The following NUP43 variants were observed in gnomAD, a reference collection of about 807,000 sequenced individuals.
NUP43 encodes the protein nucleoporin 43, also known as nucleoporin Nup43.
A neutral mutation model predicts 47.3 loss-of-function variants in NUP43; 32 were observed. That is an observed-to-expected ratio of 0.68 (90% CI 0.51 to 0.91). The LOEUF (loss-of-function observed/expected upper bound fraction) is 0.91. Among genes scored for constraint, NUP43 ranks in the 40% least tolerant of loss-of-function variants. The pLI is 0.00. For missense variants in NUP43, 444 were observed against 453.9 expected (o/e 0.98, Z 0.20); for synonymous variants, 147 against 158.4 (o/e 0.93, Z 0.54).
chr6:149,730,229 G>A lies in NUP43; in HGVS notation c.913+1384C>T, dbSNP rs950613288. On this transcript the variant is annotated intron_variant, in intron 7 of 7. Transcript: ENST00000340413. Reference sequence around the variant, plus strand: ...TCTCCATGTTGGTCAGGCTGGTCTCGAACTCCCAAACTCAGGTGATCCACC... The same window carrying A: ...TCTCCATGTTGGTCAGGCTGGTCTCAAACTCCCAAACTCAGGTGATCCACC... 3.3e-5 allele frequency among the ~76,000 whole-genome samples: 5 copies of A among 151,618 alleles called. No homozygotes were observed. The East Asian group carries it at 5.8e-4, about 18-fold the overall frequency.
intron 7 of NUP43, chr6:149,728,442 T>C (rs903100755): frequency 5.3e-5 from 52 of 985,026 alleles, no homozygotes; most frequent in African/African-American, 8.7e-5. Context: ...TGGACATGCA[T>C]GCATGCTCCA....
upstream of NUP43, among the ~76,000 whole-genome samples, chr6:149,747,987 T>C (rs1342949560): frequency 6.6e-6 from 1 of 152,218 alleles, no homozygotes; most frequent in Non-Finnish European, 1.5e-5. Context: ...CAGTCCCAAA[T>C]CAACAATTTT....
intron 7 of NUP43, 127 bp from the exon 8 acceptor site, chr6:149,727,325 A>G: frequency 1.4e-6 from 2 of 1,436,198 alleles, no homozygotes; most frequent in Non-Finnish European, 1.8e-6. Context: ...TAATAGGCTA[A>G]TAATTCCATT....
intron 6 of NUP43, among the ~76,000 whole-genome samples, chr6:149,732,425 T>A (rs758557057): frequency 6.6e-6 from 1 of 151,516 alleles, no homozygotes; most frequent in Non-Finnish European, 1.5e-5. Flanking sequence ...TGGGTGCCTA[T>A]AATCCCAGCT....
rs1482434403 is a variant in NUP43 at position 149,724,834 on chromosome 6, C to T, written c.*2135G>A. ...GAACTCTTGACCTCAGGTGCTTCAC[C>T]CACCTCGGCCTCCCAAAGTGCTAGC... On this transcript the variant is annotated 3_prime_UTR_variant, in exon 8 of 8. Transcript: ENST00000340413. 1 of 152,076 alleles carries T rather than the reference C, an allele frequency of 6.6e-6. No homozygotes were observed. Among genetic ancestry groups the T allele is most frequent in the African/African-American group, 2.4e-5 (1 of 41,412 alleles). 9.4% of individuals were successfully genotyped at this position (152,076 alleles called of 1,614,324 possible). A position where few individuals can be genotyped will look rare whatever the true frequency, so the allele number is the denominator to read the frequency against.
At chr6:149,745,029 T>C (rs1011121670) in intron 2 of NUP43, among the ~76,000 whole-genome samples, 5 of 149,614 alleles carry the variant, frequency 3.3e-5, no homozygotes, top group Non-Finnish European at 7.4e-5. Flanking sequence ...GACTCCAGAG[T>C]AGCTGGGATT....
In NUP43 at chr6:149,725,755, A is replaced by T. The variant is rs928657677; in HGVS notation, c.*1214T>A. The T allele has an allele frequency of 3.9e-4, 59 of 152,324 alleles. No individual in the cohort carries two copies. The highest frequency in any genetic ancestry group is 1.4e-3 in the African/African-American group (58 of 41,578). The allele number at this position is 152,324 out of a possible 1,614,324, so 9.4% of individuals were successfully genotyped here. On this transcript the variant is annotated 3_prime_UTR_variant, in exon 8 of 8. Transcript: ENST00000340413. ...ACATTTAAAATCTAACAAAGTTTGG[A>T]AAGATAGTATCATTAAATTATCTTA...
At chr6:149,748,735 G>C (rs1786157294), upstream of NUP43, among the ~76,000 whole-genome samples, 1 of 151,226 alleles carries the variant, frequency 6.6e-6, no homozygotes, top group African/African-American at 2.4e-5. Flanking sequence ...CCTGAACCTG[G>C]GAGGCGGAGC....
intron 3 of NUP43, among the ~76,000 whole-genome samples, chr6:149,742,908 G>A (rs1289301442): frequency 2.0e-5 from 3 of 152,278 alleles, no homozygotes; most frequent in South Asian, 2.1e-4. Context: ...CACGGCTGTC[G>A]CTCATGCCTG....
At chr6:149,738,856 C>T (rs1298234260) in intron 4 of NUP43, 78 bp from the exon 5 acceptor site, 2 of 797,528 alleles carry the variant, frequency 2.5e-6, no homozygotes, top group Non-Finnish European at 3.6e-6. Flanking sequence ...ACACTCCTTT[C>T]ATGGATTGAT....
chr6:149,729,944 C>T (rs1784949861), intron 7 of NUP43, among the ~76,000 whole-genome samples: 1 of 151,104 alleles, frequency 6.6e-6, no homozygotes, highest in Non-Finnish European at 1.5e-5. Flanking sequence ...CACATAAACC[C>T]CGATTACAAG....
At position 149,725,784 on chromosome 6, in the gene NUP43, C is replaced by T. The variant is rs1784770382; in HGVS notation, c.*1185G>A. The T allele has an allele frequency of 6.6e-6, 1 of 152,106 alleles. No individual in the cohort carries two copies. Among genetic ancestry groups the T allele is most frequent in the South Asian group, 2.1e-4 (1 of 4,832 alleles). The allele number at this position is 152,106 out of a possible 1,614,324, so 9.4% of individuals were successfully genotyped here. On this transcript the variant is annotated 3_prime_UTR_variant, in exon 8 of 8. Transcript: ENST00000340413. ...ATAGTATCATTAAATTATCTTAAAA[C>T]ACTACATTAGTTCATTATTATCCCT... is the stretch of plus-strand genomic sequence containing the variant.
At chr6:149,732,848 A>G (rs893514841) in intron 6 of NUP43, among the ~76,000 whole-genome samples, 4 of 152,202 alleles carry the variant, frequency 2.6e-5, no homozygotes, top group African/African-American at 9.7e-5. Flanking sequence ...TACGTCTCAA[A>G]AAAAAGAAAA....
intron 7 of NUP43, chr6:149,727,885 C>CAT: frequency 4.1e-6 from 4 of 985,282 alleles, no homozygotes; most frequent in Non-Finnish European, 4.8e-6. Flanking sequence ...AACTTGCTGT[C>CAT]ATATCAAATA....
At chr6:149,746,655 A>T, upstream of NUP43, 1 of 1,565,926 alleles carries the variant, frequency 6.4e-7, no homozygotes, top group African/African-American at 1.4e-5. Context: ...CACAGTCAGT[A>T]CCTAGACTGA....
At chr6:149,728,940 C>CTGCTGTATTCTTCTTCATGGTAATT (rs1784909735) in intron 7 of NUP43, among the ~76,000 whole-genome samples, 4 of 152,282 alleles carry the variant, frequency 2.6e-5, no homozygotes, top group Admixed American at 2.6e-4. Flanking sequence ...TCCTCCTACT[C>CTGCTGTATTCTTCTTCATGGTAATT]TGCTGTATTC....
At position 149,742,348 on chromosome 6, in the gene NUP43, G is replaced by C. The variant is rs1329939146; in HGVS notation, c.502+42C>G. ...GCCTAACTTTTGTATTTTTAGAAGAGACTAGGTTTCGCCATGTTGGCCAGG... is the reference window on the plus strand; with the variant it reads ...GCCTAACTTTTGTATTTTTAGAAGACACTAGGTTTCGCCATGTTGGCCAGG... On this transcript the variant is annotated intron_variant, in intron 4 of 7. Coordinates refer to ENST00000340413, the MANE Select transcript of NUP43 (RefSeq NM_198887.3). The C allele has an allele frequency of 2.5e-6, 4 of 1,581,320 alleles. No homozygotes were observed. In the South Asian group the frequency reaches 3.3e-5, roughly 13 times the overall value.
In NUP43 at chr6:149,730,887, G is replaced by A. The variant is rs146255347; in HGVS notation, c.913+726C>T. Reference sequence around the variant, plus strand: ...CAGGAGGGCGAGGATGTAGCGAGCTGTGATCATGCCACTGCAGTCCAGCCT... The same window carrying A: ...CAGGAGGGCGAGGATGTAGCGAGCTATGATCATGCCACTGCAGTCCAGCCT... On this transcript the variant is annotated intron_variant, in intron 7 of 7. Coordinates refer to ENST00000340413, the MANE Select transcript of NUP43 (RefSeq NM_198887.3). 1.5e-3 allele frequency among the ~76,000 whole-genome samples: 232 copies of A among 152,124 alleles called. 1 individual carries two copies. Among genetic ancestry groups the A allele is most frequent in the African/African-American group, 5.3e-3 (218 of 41,502 alleles).
chr6:149,736,512 C>T lies in NUP43; in HGVS notation c.749G>A (p.Gly250Asp). The T allele has an allele frequency of 6.2e-7, 1 of 1,610,838 alleles. No individual in the cohort carries two copies. Among genetic ancestry groups the T allele is most frequent in the Non-Finnish European group, 8.5e-7 (1 of 1,177,316 alleles). The change falls in exon 6 of 8, where the codon GGT (glycine) becomes GAT (aspartate). Residue 250 changes from glycine to aspartate, a missense_variant. By Grantham distance (94) the Gly-to-Asp change is moderately conservative. Coordinates refer to ENST00000340413, the MANE Select transcript of NUP43 (RefSeq NM_198887.3). ...CTTCAGCAGAGATACAGGCATAGTACCTTGTCTAACATCCCAAATACTCAA... is the reference window on the plus strand; with the variant it reads ...CTTCAGCAGAGATACAGGCATAGTATCTTGTCTAACATCCCAAATACTCAA... ...GMLSIWDVRQGTMPVSLLKAH... is the reference protein window; with the variant it reads ...GMLSIWDVRQDTMPVSLLKAH...
Sources: allele counts gnomAD v4.1 joint callset (sites outside exome capture counted in the v4.1 genomes callset), GRCh38; gene constraint gnomAD v4.1.1; transcripts MANE v1.5; gene names NCBI Gene and HGNC (gene_info 2026-07-23, HGNC 2026-07-21).